The following ELP4 variants were observed in gnomAD, a reference collection of about 807,000 sequenced individuals.
ELP4 encodes the protein elongator complex protein 4.
A neutral mutation model predicts 48.9 loss-of-function variants in ELP4; 51 were observed. The ratio of observed to expected loss-of-function variants is 1.04; its 90% CI spans 0.83 to 1.32. The LOEUF is 1.32. Among genes scored for constraint, ELP4 ranks in the 40% most tolerant of loss-of-function variants. ELP4 has a pLI of 0.00. For synonymous variants in ELP4, 210 were observed against 189.2 expected (o/e 1.11, Z -0.90); for missense variants, 519 against 514.6 (o/e 1.01, Z -0.08).
chr11:31,732,469 TAA>T (rs34416979), intron 9 of ELP4, among the ~76,000 whole-genome samples: 5 of 136,606 alleles, frequency 3.7e-5, no homozygotes, highest in African/African-American at 2.7e-5. Context: ...AGCATGTCAC[TAA>T]AAAAAAAAAA....
intron 9 of ELP4, among the ~76,000 whole-genome samples, chr11:31,682,402 T>C (rs901804698): frequency 6.6e-6 from 1 of 152,172 alleles, no homozygotes; most frequent in Non-Finnish European, 1.5e-5. Context: ...CCAGGATGCT[T>C]ACTGTCTTTG....
At chr11:31,607,265 C>G (rs562194610) in intron 5 of ELP4, among the ~76,000 whole-genome samples, 1 of 152,130 alleles carries the variant, frequency 6.6e-6, no homozygotes, top group Non-Finnish European at 1.5e-5. Flanking sequence ...CTATCTTTGT[C>G]CATTTGTGAT....
At chr11:31,591,402 T>A in intron 3 of ELP4, among the ~76,000 whole-genome samples, 1 of 51,008 alleles carries the variant, frequency 2.0e-5, no homozygotes, top group Admixed American at 3.9e-4. Context: ...CGAGACTCCA[T>A]CTCAAAAAAA....
chr11:31,767,160 C>T (rs1948058129), intron 9 of ELP4: 1 of 152,104 alleles, frequency 6.6e-6, no homozygotes, highest in Non-Finnish European at 1.5e-5. Context: ...ATTACAAAAT[C>T]AATTCCCTCC....
rs756675812 is a variant in ELP4, at chr11:31,783,423, A to G, written c.1174A>G (p.Thr392Ala). Residue 392 changes from threonine (T) to alanine (A), a missense_variant, in exon 10 of 10, where the codon ACA becomes GCA. Physicochemically the swap from Thr to Ala is moderately conservative, Grantham distance 58. Coordinates refer to ENST00000640961, the MANE Select transcript of ELP4 (RefSeq NM_019040.5). The stretch of plus-strand genomic sequence containing the variant: ...GCATTTGCCTCCAGACTTGTCAGAC[A>G]CAGTGAGCCGCTCAAGCAAAATGGA... ...RLHLPPDLSD[T>A]VSRSSKMDLA... 1 of 1,614,006 alleles carries G rather than the reference A, an allele frequency of 6.2e-7. No homozygotes were observed. Among genetic ancestry groups the G allele is most frequent in the Admixed American group, 1.7e-5 (1 of 60,006 alleles).
At chr11:31,546,000 G>A (rs1349335022) in intron 3 of ELP4, among the ~76,000 whole-genome samples, 4 of 152,100 alleles carry the variant, frequency 2.6e-5, no homozygotes, top group East Asian at 1.9e-4. Flanking sequence ...AACATGGAAA[G>A]GAACAACCGG....
chr11:31,631,716 A>G (rs1195122414), intron 6 of ELP4, among the ~76,000 whole-genome samples: 1 of 152,094 alleles, frequency 6.6e-6, no homozygotes, highest in East Asian at 1.9e-4. Context: ...AAGAAGAAAA[A>G]CCAGAGGCAA....
chr11:31,748,670 A>G (rs1253751073), intron 9 of ELP4, among the ~76,000 whole-genome samples: 5 of 152,130 alleles, frequency 3.3e-5, no homozygotes, highest in Non-Finnish European at 7.4e-5. Context: ...AAGTGAGCTT[A>G]CATTATAATA....
chr11:31,592,521 A>ATATG (rs1164563602), intron 3 of ELP4, among the ~76,000 whole-genome samples: 2 of 148,990 alleles, frequency 1.3e-5, no homozygotes, highest in Non-Finnish European at 3.0e-5. Context: ...TATAATATAT[A>ATATG]TATGTATGTA....
At chr11:31,753,552 C>A (rs950892698) in intron 9 of ELP4, among the ~76,000 whole-genome samples, 15 of 152,210 alleles carry the variant, frequency 9.9e-5, no homozygotes, top group African/African-American at 3.6e-4. Context: ...TAAATTGTTA[C>A]AACTGCTTCT....
intron 3 of ELP4, among the ~76,000 whole-genome samples, chr11:31,566,340 A>G (rs529155541): frequency 6.6e-6 from 1 of 152,200 alleles, no homozygotes; most frequent in South Asian, 2.1e-4. Flanking sequence ...CCTGGGCGTC[A>G]GAGCGAGACT....
intron 2 of ELP4, among the ~76,000 whole-genome samples, chr11:31,537,268 A>G (rs1956516074): frequency 6.6e-6 from 1 of 152,180 alleles, no homozygotes; most frequent in Non-Finnish European, 1.5e-5. Context: ...TTGCAGGACC[A>G]TTTGTTACAA....
intron 7 of ELP4, among the ~76,000 whole-genome samples, chr11:31,645,168 G>A (rs1945175885): frequency 6.6e-6 from 1 of 151,664 alleles, no homozygotes. Flanking sequence ...TAATGACTAT[G>A]ATGCAAACCT....
chr11:31,552,495 C>G (rs1255151089), intron 3 of ELP4, among the ~76,000 whole-genome samples: 1 of 152,134 alleles, frequency 6.6e-6, no homozygotes, highest in Non-Finnish European at 1.5e-5. Flanking sequence ...CTGCTCTCCC[C>G]AAGCCTGTTC....
intron 2 of ELP4, among the ~76,000 whole-genome samples, chr11:31,524,863 T>C (rs1956274274): frequency 6.6e-6 from 1 of 152,160 alleles, no homozygotes; most frequent in African/African-American, 2.4e-5. Flanking sequence ...CATGTACCTG[T>C]AGTCCCAGCT....
intron 3 of ELP4, among the ~76,000 whole-genome samples, chr11:31,582,343 A>G (rs1957405316): frequency 1.3e-5 from 2 of 151,472 alleles, no homozygotes; most frequent in Admixed American, 1.3e-4. Flanking sequence ...TGCTATCATC[A>G]TTATTATTGA....
intron 2 of ELP4, among the ~76,000 whole-genome samples, chr11:31,530,408 CAGG>C (rs1422375928): frequency 1.3e-5 from 2 of 152,134 alleles, no homozygotes; most frequent in Admixed American, 6.5e-5. Context: ...GCTAAAGAAA[CAGG>C]AGAAAAGTTA....
At chr11:31,552,337 A>G (rs1441668945) in intron 3 of ELP4, among the ~76,000 whole-genome samples, 2 of 152,152 alleles carry the variant, frequency 1.3e-5, no homozygotes, top group African/African-American at 2.4e-5. Flanking sequence ...ATGACTTTCA[A>G]ATTTATAATC....
chr11:31,588,604 A>G (rs1292217128), intron 3 of ELP4, among the ~76,000 whole-genome samples: 8 of 152,150 alleles, frequency 5.3e-5, no homozygotes, highest in African/African-American at 1.9e-4. Context: ...ATTATTTTTT[A>G]AAAATTCCAG....
Sources: allele counts gnomAD v4.1 joint callset (sites outside exome capture counted in the v4.1 genomes callset), GRCh38; gene constraint gnomAD v4.1.1; transcripts MANE v1.5; gene names NCBI Gene and HGNC (gene_info 2026-07-23, HGNC 2026-07-21).